BEST3: variants seen among roughly 807,000 people sequenced by gnomAD.
BEST3 encodes the protein bestrophin 3, also known as bestrophin-3.
BEST3 carries 50 observed loss-of-function variants against 47.1 expected under a neutral mutation model. The observed-to-expected ratio is 1.06, with a 90% CI of 0.85 to 1.34. BEST3 has a LOEUF of 1.34. Among genes scored for constraint, BEST3 ranks in the 40% most tolerant of loss-of-function variants. The pLI, the probability that BEST3 is intolerant of heterozygous loss-of-function variation, is 0.00. For synonymous variants in BEST3, 282 were observed against 298.8 expected, an observed-to-expected ratio of 0.94 and a Z score of 0.58; for missense variants, 765 against 817.0, an observed-to-expected ratio of 0.94 and a Z score of 0.78.
At chr12:69,675,432 A>G (rs1287078829) in intron 7 of BEST3, among the ~76,000 whole-genome samples, 2 of 152,194 alleles carry the variant, frequency 1.3e-5, no homozygotes, top group Non-Finnish European at 2.9e-5. Flanking sequence ...CAGTTTATAA[A>G]GGAAAAGGAT....
At position 69,697,759 on chromosome 12, in the gene BEST3, A is replaced by C. The variant is rs761141824; in HGVS notation, c.40T>G (p.Phe14Val). ...TYSSKVANAT[F>V]FGFHRLLLKW... ...AGGAGTAACCTATGAAATCCAAAAA[A>C]AGTTGCATTTGCTACTTTACTGGAG... Residue 14 changes from phenylalanine (F) to valine (V), a missense_variant, in exon 2 of 10, where the codon TTT becomes GTT. Physicochemically the swap from Phe to Val is conservative, Grantham distance 50. Coordinates refer to ENST00000330891, the MANE Select transcript of BEST3 (RefSeq NM_032735.3). The C allele has an allele frequency of 6.2e-7, 1 of 1,613,210 alleles. No individual in the cohort carries two copies. Among genetic ancestry groups the C allele is most frequent in the Non-Finnish European group, 8.5e-7 (1 of 1,179,548 alleles).
intron 7 of BEST3, among the ~76,000 whole-genome samples, chr12:69,676,370 T>C (rs550035002): frequency 6.6e-6 from 1 of 151,614 alleles, no homozygotes; most frequent in Admixed American, 6.6e-5. Context: ...GAGATTGCGT[T>C]ACTGTACTCC....
At chr12:69,697,417 G>A (rs1367562530) in intron 2 of BEST3, among the ~76,000 whole-genome samples, 1 of 152,110 alleles carries the variant, frequency 6.6e-6, no homozygotes, top group East Asian at 1.9e-4. Flanking sequence ...GCACAACTGG[G>A]GCTGGAATGA....
At chr12:69,678,436 T>C (rs1358871133) in intron 5 of BEST3, among the ~76,000 whole-genome samples, 1 of 152,152 alleles carries the variant, frequency 6.6e-6, no homozygotes, top group Non-Finnish European at 1.5e-5. Context: ...ATGGGCACCA[T>C]AGCTTTTCGA....
chr12:69,643,717 A>G, exon 10 of BEST3: 1 of 715,798 alleles, frequency 1.4e-6, no homozygotes, highest in Non-Finnish European at 2.6e-6. Flanking sequence ...CTCTTAGCAC[A>G]CTGGAATTGA....
chr12:69,687,359 G>A (rs956169426), intron 4 of BEST3: 12 of 152,420 alleles, frequency 7.9e-5, no homozygotes, highest in African/African-American at 2.9e-4. Flanking sequence ...CAGGCCAGGT[G>A]TGGTGGCTCA....
intron 3 of BEST3, 113 bp downstream of exon 3, chr12:69,694,257 C>G: frequency 3.1e-6 from 2 of 653,568 alleles, no homozygotes; most frequent in Non-Finnish European, 5.2e-6. Context: ...CTATTGCAAG[C>G]GGTGGCTTTT....
intron 7 of BEST3, among the ~76,000 whole-genome samples, chr12:69,673,855 T>C (rs1242642986): frequency 6.6e-6 from 1 of 152,186 alleles, no homozygotes; most frequent in Admixed American, 6.5e-5. Context: ...GATTTACTCT[T>C]ATCCAGTAAG....
intron 4 of BEST3, among the ~76,000 whole-genome samples, chr12:69,681,239 G>A (rs982946181): frequency 9.9e-5 from 15 of 151,868 alleles, no homozygotes; most frequent in African/African-American, 2.4e-4. Flanking sequence ...ACATTCAGAC[G>A]AAAATCAACT....
rs1593128773 is a variant in BEST3, at chr12:69,653,663, T to C, written c.*1244A>G. 1.0e-6 allele frequency: 1 copy of C among 985,432 alleles called. No individual in the cohort carries two copies. The allele number at this position is 985,432 out of a possible 1,614,324, so 61.0% of individuals were successfully genotyped here. A position where few individuals can be genotyped will look rare whatever the true frequency, so the allele number is the denominator to read the frequency against. On this transcript the variant is annotated 3_prime_UTR_variant, in exon 10 of 10. Coordinates refer to ENST00000330891, the MANE Select transcript of BEST3 (RefSeq NM_032735.3). The stretch of plus-strand genomic sequence containing the variant: ...CCATATGTAGTCAAGTGCCATCATA[T>C]GACAAATGGTAAGTGCAGCAGTCGT...
intron 9 of BEST3, among the ~76,000 whole-genome samples, chr12:69,644,583 G>C (rs1173142594): frequency 6.6e-6 from 1 of 152,082 alleles, no homozygotes; most frequent in African/African-American, 2.4e-5. Context: ...GAGGACATAA[G>C]GTTTTTTTAT....
chr12:69,650,010 G>C (rs1359041129), downstream of BEST3, among the ~76,000 whole-genome samples: 1 of 152,216 alleles, frequency 6.6e-6, no homozygotes, highest in Non-Finnish European at 1.5e-5. Context: ...GAAGGTTTGA[G>C]TCCACTTTCT....
chr12:69,677,198 A>T lies in BEST3; in HGVS notation c.696T>A (p.Ile232=). Residue 232 remains isoleucine (I), a synonymous_variant, in exon 6 of 10, where the codon ATT becomes ATA. Transcript: ENST00000330891. The part of the protein sequence containing the change: ...SLLFGYDWVG[I]PLVYTQVVTL... ...TTCTTACCTGGGTGTAAACCAGCGG[A>T]ATCCCAACCCAGTCATAACCGAATA... 1 of 1,613,896 alleles carries T rather than the reference A, an allele frequency of 6.2e-7. No individual in the cohort carries two copies. The highest frequency in any genetic ancestry group is 8.5e-7 in the Non-Finnish European group (1 of 1,179,876).
chr12:69,684,993 T>C (rs1350861703), intron 4 of BEST3, among the ~76,000 whole-genome samples: 1 of 146,680 alleles, frequency 6.8e-6, no homozygotes, highest in Non-Finnish European at 1.5e-5. Context: ...TCTATTCTAT[T>C]CTATTCTATT....
At chr12:69,693,087 G>A (rs184976973) in intron 4 of BEST3, among the ~76,000 whole-genome samples, 225 of 152,206 alleles carry the variant, frequency 1.5e-3, no homozygotes, top group African/African-American at 5.0e-3. Flanking sequence ...TTAAGGCAAC[G>A]TTACTATCTG....
chr12:69,680,322 T>TC (rs1885177221), intron 4 of BEST3, among the ~76,000 whole-genome samples: 1 of 138,882 alleles, frequency 7.2e-6, no homozygotes, highest in Non-Finnish European at 1.6e-5. Context: ...TTTTTTTTTT[T>TC]TTTTTAGATG....
intron 5 of BEST3, 105 bp from the exon 6 acceptor site, chr12:69,677,362 A>G (rs769681556): frequency 9.8e-6 from 10 of 1,021,184 alleles, no homozygotes; most frequent in African/African-American, 1.6e-5. Context: ...GACTGACTGT[A>G]AGGCTAGTAA....
In BEST3 at chr12:69,670,387, C is replaced by G; in HGVS notation, c.1100+1041G>C. ...AAGATGTGCTTTGCGGGCAACAAGG[C>G]AAATCTCCTGGCTCCTAAATCGTTC... On this transcript the variant is annotated intron_variant, in intron 9 of 9. Transcript: ENST00000330891. The G allele has an allele frequency of 1.1e-5, 8 of 695,760 alleles. No homozygotes were observed. The South Asian group carries it at 1.2e-4, about 11-fold the overall frequency. 43.1% of individuals were successfully genotyped at this position (695,760 alleles called of 1,614,324 possible).
At chr12:69,670,206 G>A in intron 9 of BEST3, 1 of 449,328 alleles carries the variant, frequency 2.2e-6, no homozygotes. Flanking sequence ...GCTGAGACAT[G>A]CATACAACAA....
Sources: gnomAD v4.1 joint callset for allele counts (sites outside exome capture counted in the v4.1 genomes callset) on GRCh38, gnomAD v4.1.1 for gene constraint, MANE v1.5 for transcripts, NCBI Gene and HGNC (gene_info 2026-07-23, HGNC 2026-07-21) for gene names.